The following CSMD3 variants were observed in gnomAD, a reference collection of about 807,000 sequenced individuals.
The protein encoded by CSMD3 is CUB and sushi domain-containing protein 3.
In CSMD3, 177 loss-of-function variants were observed where a neutral mutation model predicts 435.2. That is an observed-to-expected ratio of 0.41 (90% CI 0.36 to 0.46). The LOEUF (loss-of-function observed/expected upper bound fraction) is 0.46, where lower values mean the gene tolerates loss of function less well. CSMD3 is among the 20% of genes least tolerant of loss of function. The pLI, the probability that CSMD3 is intolerant of heterozygous loss-of-function variation, is 0.34. For missense variants in CSMD3, 4,265 were observed against 4,504.6 expected, an observed-to-expected ratio of 0.95 and a Z score of 1.52; for synonymous variants, 1,656 against 1,520.5, an observed-to-expected ratio of 1.09 and a Z score of -2.07.
At chr8:112,585,456 G>A (rs563636010) in intron 23 of CSMD3, among the ~76,000 whole-genome samples, 24 of 145,046 alleles carry the variant, frequency 1.7e-4, no homozygotes, top group Non-Finnish European at 3.2e-4. Context: ...ACATCCCCTT[G>A]TGTTGTCACT....
At chr8:112,316,187 T>C (rs1822442985) in intron 47 of CSMD3, among the ~76,000 whole-genome samples, 1 of 151,790 alleles carries the variant, frequency 6.6e-6, no homozygotes, top group African/African-American at 2.4e-5. Context: ...GTTTAAAATA[T>C]AGTATAGCTA....
intron 27 of CSMD3, among the ~76,000 whole-genome samples, chr8:112,549,247 T>TA (rs1000422967): frequency 5.0e-4 from 76 of 152,130 alleles, no homozygotes; most frequent in Non-Finnish European, 9.9e-4. Flanking sequence ...TGTTCCCACT[T>TA]AAAAAAATAA....
At chr8:113,096,331 G>C (rs937261008) in intron 5 of CSMD3, among the ~76,000 whole-genome samples, 10 of 152,024 alleles carry the variant, frequency 6.6e-5, no homozygotes, top group Admixed American at 6.6e-4. Context: ...TCTGGGATCT[G>C]TATTAGCAGG....
chr8:112,698,352 T>C (rs2076305611), intron 13 of CSMD3, among the ~76,000 whole-genome samples: 1 of 152,132 alleles, frequency 6.6e-6, no homozygotes, highest in Non-Finnish European at 1.5e-5. Flanking sequence ...ACATATGTCA[T>C]GCATACACAC....
chr8:112,627,632 GAGGTATTTTT>G (rs1413316461), intron 22 of CSMD3, among the ~76,000 whole-genome samples: 1 of 152,190 alleles, frequency 6.6e-6, no homozygotes, highest in Admixed American at 6.5e-5. Context: ...TATGGAGAAT[GAGGTATTTTT>G]AGGAGTCTTC....
intron 3 of CSMD3, among the ~76,000 whole-genome samples, chr8:113,212,752 G>A (rs145392769): frequency 2.0e-5 from 3 of 151,808 alleles, no homozygotes; most frequent in East Asian, 1.9e-4. Flanking sequence ...GTGGGGGAAG[G>A]GGGGAGGGAT....
At chr8:113,194,861 T>C (rs2092632723) in intron 3 of CSMD3, among the ~76,000 whole-genome samples, 1 of 151,270 alleles carries the variant, frequency 6.6e-6, no homozygotes, top group Admixed American at 6.6e-5. Flanking sequence ...AGCTTTCACA[T>C]TGTTTAACTG....
rs543366172 is a variant in CSMD3, at chr8:112,655,884, T to C, written c.3004+270A>G. 3.3e-5 allele frequency among the ~76,000 whole-genome samples: 5 copies of C among 152,130 alleles called. No homozygotes were observed. The South Asian group carries it at 1.0e-3, about 32-fold the overall frequency. Reference sequence around the variant, plus strand: ...GTTTTTCAGAACTATACACAAATAATTGGTACAAAACCTCATTTTCAAATA... The same window carrying C: ...GTTTTTCAGAACTATACACAAATAACTGGTACAAAACCTCATTTTCAAATA... On this transcript the variant is annotated intron_variant, in intron 18 of 70. Coordinates refer to ENST00000297405, the MANE Select transcript of CSMD3 (RefSeq NM_198123.2).
chr8:112,566,763 A>C (rs1211929310), intron 24 of CSMD3, among the ~76,000 whole-genome samples: 1 of 152,124 alleles, frequency 6.6e-6, no homozygotes, highest in Non-Finnish European at 1.5e-5. Flanking sequence ...AGTAAGGAGA[A>C]GGCAACATGG....
chr8:113,203,369 T>C (rs1333819282), intron 3 of CSMD3, among the ~76,000 whole-genome samples: 2 of 152,012 alleles, frequency 1.3e-5, no homozygotes, highest in Non-Finnish European at 2.9e-5. Context: ...GGTACAATCA[T>C]GGCTCACTGC....
At chr8:113,360,777 G>A (rs1180694863) in intron 1 of CSMD3, among the ~76,000 whole-genome samples, 2 of 151,678 alleles carry the variant, frequency 1.3e-5, no homozygotes, top group East Asian at 3.9e-4. Flanking sequence ...GTTTCACCTT[G>A]TTAGCCAGGA....
chr8:112,456,718 AACTT>A (rs1816876166), intron 32 of CSMD3, among the ~76,000 whole-genome samples: 2 of 152,086 alleles, frequency 1.3e-5, no homozygotes, highest in African/African-American at 4.8e-5. Flanking sequence ...AAGAATAAAT[AACTT>A]ACATGAGATT....
chr8:113,313,051 AG>A lies in CSMD3; in HGVS notation c.401+1519del, dbSNP rs2093882334. ...TTTTAAGTGTCATCTGACTGGAAGC[AG>A]TTCGATGTGCTCTAATAGGATTTTG... is the stretch of plus-strand genomic sequence containing the variant. On this transcript the variant is annotated intron_variant, in intron 2 of 70. Transcript: ENST00000297405. The A allele has an allele frequency of 2.6e-5, 4 of 152,352 alleles. No homozygotes were observed. The South Asian group carries it at 8.3e-4, about 32-fold the overall frequency. The allele number at this position is 152,352 out of a possible 1,614,324, so 9.4% of individuals were successfully genotyped here.
At chr8:113,226,004 C>T (rs569637948) in intron 3 of CSMD3, among the ~76,000 whole-genome samples, 11 of 151,536 alleles carry the variant, frequency 7.3e-5, no homozygotes, top group African/African-American at 2.2e-4. Flanking sequence ...CCCCTTCCCA[C>T]TGCACTTCTC....
intron 9 of CSMD3, among the ~76,000 whole-genome samples, chr8:112,946,955 A>G (rs2083630678): frequency 6.6e-6 from 1 of 151,690 alleles, no homozygotes; most frequent in South Asian, 2.1e-4. Flanking sequence ...GATATTCTTT[A>G]GAGAATCACT....
chr8:113,051,367 T>C (rs1161152941), intron 5 of CSMD3, among the ~76,000 whole-genome samples: 2 of 152,126 alleles, frequency 1.3e-5, no homozygotes, highest in Admixed American at 1.3e-4. Flanking sequence ...ATTAATACTT[T>C]GGGTATTTGT....
At chr8:112,634,468 T>C (rs4563914) in intron 22 of CSMD3, among the ~76,000 whole-genome samples, 25,438 of 151,980 alleles carry the variant, frequency 0.17, 2,703 homozygotes, top group South Asian at 0.29. Flanking sequence ...ATTGAATTAA[T>C]TGTAAATTTT....
At chr8:112,867,572 T>C (rs572844694) in intron 10 of CSMD3, among the ~76,000 whole-genome samples, 4 of 152,236 alleles carry the variant, frequency 2.6e-5, no homozygotes, top group African/African-American at 7.2e-5. Context: ...GTATAGCCTA[T>C]TGCTTCTAAT....
At chr8:112,320,389 C>T (rs532718451) in intron 45 of CSMD3, among the ~76,000 whole-genome samples, 8 of 152,262 alleles carry the variant, frequency 5.3e-5, no homozygotes, top group African/African-American at 1.7e-4. Flanking sequence ...CAAACAAATG[C>T]TCAGTGTTTA....
Sources: gnomAD v4.1 joint callset for allele counts (sites outside exome capture counted in the v4.1 genomes callset) on GRCh38, gnomAD v4.1.1 for gene constraint, MANE v1.5 for transcripts, NCBI Gene and HGNC (gene_info 2026-07-23, HGNC 2026-07-21) for gene names.